Variants in PARPBP observed in about 807,000 individuals in gnomAD.
PARPBP encodes the protein PCNA-interacting partner.
A neutral mutation model predicts 50.0 loss-of-function variants in PARPBP; 52 were observed. That is an observed-to-expected ratio of 1.04 (90% confidence interval 0.83 to 1.31). The LOEUF (loss-of-function observed/expected upper bound fraction) is 1.31, where lower values mean the gene tolerates loss of function less well. Ranked by LOEUF, PARPBP falls within the 50% of genes most tolerant of loss-of-function variation. The pLI, the probability that PARPBP is intolerant of heterozygous loss-of-function variation, is 0.00. For missense variants in PARPBP, 697 were observed against 672.0 expected (o/e 1.04, Z -0.41); for synonymous variants, 244 against 232.1 (o/e 1.05, Z -0.47).
At position 102,182,529 on chromosome 12, in the gene PARPBP, CT is replaced by C. The variant is rs35297380; in HGVS notation, c.1185-8del. On this transcript the variant is annotated intron_variant, in intron 8 of 10. Transcript: ENST00000327680. ...TCCAACCATAGCAATAAATTTTTGC[CT>C]TTTTTTTTTTTGACATAGGTCTCCC... 0.1 allele frequency: 128,925 copies of C among 1,285,242 alleles called. No homozygotes were observed. Among genetic ancestry groups the C allele is most frequent in the South Asian group, 0.18 (12,091 of 67,914 alleles). 79.6% of individuals were successfully genotyped at this position (1,285,242 alleles called of 1,614,324 possible).
At chr12:102,120,510 TCTGCAG>T (rs745469170) in intron 1 of PARPBP, 22 of 456,490 alleles carry the variant, frequency 4.8e-5, no homozygotes, top group African/African-American at 4.0e-4. Context: ...TGAGGGTTCG[TCTGCAG>T]CTTGGAAGAC....
intron 2 of PARPBP, among the ~76,000 whole-genome samples, chr12:102,133,130 C>T (rs1483480323): frequency 3.3e-5 from 5 of 151,912 alleles, no homozygotes; most frequent in Non-Finnish European, 7.4e-5. Flanking sequence ...ATTTGGATGC[C>T]TTTTGTTTCT....
intron 2 of PARPBP, among the ~76,000 whole-genome samples, chr12:102,130,868 A>T (rs116464286): frequency 0.028 from 4,271 of 151,864 alleles, 169 homozygotes; most frequent in African/African-American, 0.086. Flanking sequence ...AAAAAAAAAA[A>T]CCTAAAAAAA....
rs142409858 is a variant in PARPBP at position 102,125,698 on chromosome 12, C to T, written c.153+1657C>T. Among the ~76,000 whole-genome samples the T allele has an allele frequency of 1.9e-3, 288 of 152,254 alleles. 1 individual carries two copies. Among genetic ancestry groups the T allele is most frequent in the African/African-American group, 6.3e-3 (261 of 41,544 alleles). The stretch of plus-strand genomic sequence containing the variant: ...ATTGTGATATATGTTGGGGTTAAAA[C>T]GGTGAGCAAAACTAGACTTGACTCC... On this transcript the variant is annotated intron_variant, in intron 2 of 10. Coordinates refer to ENST00000327680, the MANE Select transcript of PARPBP (RefSeq NM_017915.5).
In PARPBP at chr12:102,195,467, C is replaced by T. The variant is rs1313710982; in HGVS notation, c.1399+20C>T. The T allele has an allele frequency of 6.4e-7, 1 of 1,550,884 alleles. No homozygotes were observed. The highest frequency in any genetic ancestry group is 1.2e-5 in the South Asian group (1 of 83,288). ...TTTCTGGTAATTGACCTTATTTGTG[C>T]AATTAAATAACAATTTAATTCTAGT... On this transcript the variant is annotated intron_variant, in intron 10 of 10. Coordinates refer to ENST00000327680, the MANE Select transcript of PARPBP (RefSeq NM_017915.5).
chr12:102,148,191 C>T, intron 2 of PARPBP, 39 bp from the exon 3 acceptor site: 1 of 848,974 alleles, frequency 1.2e-6, no homozygotes, highest in Non-Finnish European at 1.8e-6. Flanking sequence ...TTCTGGTACC[C>T]AACTTTATTT....
At chr12:102,180,338 T>G (rs565864370) in intron 8 of PARPBP, among the ~76,000 whole-genome samples, 1 of 152,312 alleles carries the variant, frequency 6.6e-6, no homozygotes, top group East Asian at 1.9e-4. Context: ...CTGAATTCAT[T>G]TTCTTAAAGT....
At chr12:102,194,225 C>A (rs1891057161) in intron 9 of PARPBP, among the ~76,000 whole-genome samples, 1 of 151,940 alleles carries the variant, frequency 6.6e-6, no homozygotes. Context: ...TATATAAAGT[C>A]ATGCTGTTTT....
chr12:102,121,185 G>A (rs1453783189), intron 1 of PARPBP, among the ~76,000 whole-genome samples: 1 of 152,200 alleles, frequency 6.6e-6, no homozygotes, highest in African/African-American at 2.4e-5. Flanking sequence ...GCTAGCTACA[G>A]GAAGAGCTGG....
chr12:102,196,963 G>A lies in PARPBP; in HGVS notation c.*672G>A. On this transcript the variant is annotated 3_prime_UTR_variant, in exon 11 of 11. Coordinates refer to ENST00000327680, the MANE Select transcript of PARPBP (RefSeq NM_017915.5). Reference sequence around the variant, plus strand: ...GGATGTAAGAATTGAATTTTGAAAAGACTACTCACTGTCAAAATCTCTCCT... The same window carrying A: ...GGATGTAAGAATTGAATTTTGAAAAAACTACTCACTGTCAAAATCTCTCCT... 1.3e-6 allele frequency: 2 copies of A among 1,598,084 alleles called. No homozygotes were observed. The highest frequency in any genetic ancestry group is 1.7e-6 in the Non-Finnish European group (2 of 1,166,782).
chr12:102,175,781 T>A, intron 7 of PARPBP, 115 bp downstream of exon 7: 1 of 603,588 alleles, frequency 1.7e-6, no homozygotes, highest in Non-Finnish European at 2.7e-6. Context: ...TCCTGTGTTC[T>A]AAAATGATAT....
At chr12:102,134,424 T>C (rs1179987116) in intron 2 of PARPBP, among the ~76,000 whole-genome samples, 1 of 152,162 alleles carries the variant, frequency 6.6e-6, no homozygotes, top group African/African-American at 2.4e-5. Flanking sequence ...GAACTCTGAA[T>C]AGACCAATAA....
At chr12:102,134,022 T>C (rs1883250454) in intron 2 of PARPBP, among the ~76,000 whole-genome samples, 1 of 151,622 alleles carries the variant, frequency 6.6e-6, no homozygotes, top group African/African-American at 2.4e-5. Flanking sequence ...AAAAAGATCT[T>C]TAATAAACTT....
chr12:102,181,286 T>C (rs934395552), intron 8 of PARPBP, among the ~76,000 whole-genome samples: 3 of 152,164 alleles, frequency 2.0e-5, no homozygotes, highest in African/African-American at 4.8e-5. Flanking sequence ...AAGCAAACTA[T>C]TAATATTTAG....
intron 6 of PARPBP, among the ~76,000 whole-genome samples, chr12:102,172,133 C>T (rs891288199): frequency 5.3e-5 from 8 of 152,186 alleles, no homozygotes; most frequent in African/African-American, 1.7e-4. Flanking sequence ...TTGTGCTTTT[C>T]ATCAGCAGCC....
At chr12:102,192,375 C>T (rs1474129663) in intron 9 of PARPBP, among the ~76,000 whole-genome samples, 6 of 151,910 alleles carry the variant, frequency 3.9e-5, no homozygotes, top group Non-Finnish European at 7.4e-5. Context: ...TAATGGTTTC[C>T]CCAAAGTTAT....
intron 4 of PARPBP, among the ~76,000 whole-genome samples, chr12:102,157,650 G>A (rs1887105060): frequency 6.6e-6 from 1 of 152,070 alleles, no homozygotes; most frequent in African/African-American, 2.4e-5. Flanking sequence ...AGGTTATCCT[G>A]AATTGCCAGG....
At chr12:102,122,248 A>AT (rs1320540564) in intron 1 of PARPBP, among the ~76,000 whole-genome samples, 1 of 152,120 alleles carries the variant, frequency 6.6e-6, no homozygotes, top group Non-Finnish European at 1.5e-5. Flanking sequence ...GATGAGGGTG[A>AT]TTTTTTGAAG....
At chr12:102,161,035 T>C (rs1035210432) in intron 4 of PARPBP, among the ~76,000 whole-genome samples, 1 of 152,100 alleles carries the variant, frequency 6.6e-6, no homozygotes, top group Non-Finnish European at 1.5e-5. Flanking sequence ...CTTATTTTTA[T>C]TTGGTTGTGA....
Sources: allele counts gnomAD v4.1 joint callset (sites outside exome capture counted in the v4.1 genomes callset), GRCh38; gene constraint gnomAD v4.1.1; transcripts MANE v1.5; gene names NCBI Gene and HGNC (gene_info 2026-07-23, HGNC 2026-07-21).